FLNB: variants seen among roughly 807,000 people sequenced by gnomAD.
FLNB encodes the protein filamin-B.
A neutral mutation model predicts 250.6 loss-of-function variants in FLNB; 111 were observed. The observed-to-expected ratio is 0.44, with a 90% CI of 0.38 to 0.52. FLNB has a LOEUF of 0.52. Ranked by LOEUF, FLNB falls within the 20% of genes least tolerant of loss-of-function variation. FLNB has a pLI of 0.00. For synonymous variants in FLNB, 1,302 were observed against 1,372.1 expected (o/e 0.95, Z 1.13); for missense variants, 2,869 against 3,447.8 (o/e 0.83, Z 4.20).
At position 58,043,190 on chromosome 3, in the gene FLNB, G is replaced by C. The variant is rs138559064; in HGVS notation, c.293-33856G>C. On this transcript the variant is annotated intron_variant, in intron 1 of 45. Transcript: ENST00000295956. ...GAGACAGAGTTTCACTCTGTTGCCC[G>C]GGGGAATGATCTCTGCTCACTGCAA... Among the ~76,000 whole-genome samples, 790 of 138,696 alleles carry C rather than the reference G, an allele frequency of 5.7e-3. 3 individuals carry two copies. The highest frequency in any genetic ancestry group is 8.0e-3 in the Non-Finnish European group (526 of 65,756). 91.0% of individuals were successfully genotyped at this position (138,696 alleles called of 152,430 possible). A position where few individuals can be genotyped will look rare whatever the true frequency, so the allele number is the denominator to read the frequency against.
At chr3:58,157,884 T>C (rs925732987) in intron 41 of FLNB, among the ~76,000 whole-genome samples, 3 of 152,214 alleles carry the variant, frequency 2.0e-5, no homozygotes, top group African/African-American at 7.2e-5. Flanking sequence ...GCAGGCTGTT[T>C]CTTAAGCTTT....
chr3:58,172,227 TTAAA>T lies in FLNB; in HGVS notation c.*1470_*1473del, dbSNP rs1336545800. On this transcript the variant is annotated 3_prime_UTR_variant, in exon 46 of 46. Coordinates refer to ENST00000295956, the MANE Select transcript of FLNB (RefSeq NM_001457.4). ...ACTGTAAATTGTATCTTATAACTTA[TTAAA>T]TAAAACATTTGCTCCGTAAAGTTGC... The T allele has an allele frequency of 6.6e-6, 1 of 152,636 alleles. No individual in the cohort carries two copies. The highest frequency in any genetic ancestry group is 1.5e-5 in the Non-Finnish European group (1 of 68,048). 9.5% of individuals were successfully genotyped at this position (152,636 alleles called of 1,614,324 possible).
At position 58,112,206 on chromosome 3, in the gene FLNB, C is replaced by A; in HGVS notation, c.2633C>A (p.Ala878Asp). The part of the protein sequence containing the change: ...FTVYTKGAGK[A>D]PLNVQFNSPL... ...GTCTACACCAAGGGGGCTGGGAAAG[C>A]CCCGCTCAACGTGCAGTTCAACAGC... Residue 878 changes from alanine (A) to aspartate (D), a missense_variant, in exon 18 of 46, where the codon GCC (alanine) becomes GAC (aspartate). Physicochemically the swap from Ala to Asp is moderately radical, Grantham distance 126. Coordinates refer to ENST00000295956, the MANE Select transcript of FLNB (RefSeq NM_001457.4). 1 of 1,614,166 alleles carries A rather than the reference C, an allele frequency of 6.2e-7. No individual in the cohort carries two copies. Among genetic ancestry groups the A allele is most frequent in the Non-Finnish European group, 8.5e-7 (1 of 1,179,994 alleles).
chr3:58,148,017 C>T (rs2097338409), intron 34 of FLNB, among the ~76,000 whole-genome samples, 189 bp from the exon 35 acceptor site: 1 of 152,226 alleles, frequency 6.6e-6, no homozygotes, highest in African/African-American at 2.4e-5. Flanking sequence ...GTCTTTGCTG[C>T]AAGCAGGCAT....
At chr3:58,119,516 C>T (rs1232067348) in intron 19 of FLNB, among the ~76,000 whole-genome samples, 1 of 152,130 alleles carries the variant, frequency 6.6e-6, no homozygotes, top group Non-Finnish European at 1.5e-5. Context: ...AGGGATTTTA[C>T]TAGTATAAGC....
intron 1 of FLNB, among the ~76,000 whole-genome samples, chr3:58,030,460 A>T (rs1303378001): frequency 6.6e-6 from 1 of 152,128 alleles, no homozygotes; most frequent in Non-Finnish European, 1.5e-5. Flanking sequence ...ACCATAGTAG[A>T]GTTCCTGTGA....
chr3:58,159,535 TG>T lies in FLNB; in HGVS notation c.6889-18del. ...GGAACGCCGAGGGCCATAACCTGTC[TG>T]ATGTATTAAATTCTCAGGAATCGGG... On this transcript the variant is annotated intron_variant, in intron 41 of 45. Transcript: ENST00000295956. 1 of 1,614,004 alleles carries T rather than the reference TG, an allele frequency of 6.2e-7. No individual in the cohort carries two copies. Among genetic ancestry groups the T allele is most frequent in the Non-Finnish European group, 8.5e-7 (1 of 1,179,918 alleles).
In FLNB at chr3:58,080,086, G is replaced by A. The variant is rs551625755; in HGVS notation, c.639+1272G>A. Among the ~76,000 whole-genome samples the A allele has an allele frequency of 1.1e-4, 16 of 152,304 alleles. No homozygotes were observed. The South Asian group carries it at 3.3e-3, about 32-fold the overall frequency. ...ACGTGATGTTGGCATGGGTGAAGTT[G>A]TTGAAGGAGCTGCTGGGAAGAAATG... is the stretch of plus-strand genomic sequence containing the variant. On this transcript the variant is annotated intron_variant, in intron 3 of 45. Transcript: ENST00000295956.
At chr3:58,092,179 G>A (rs561647450) in intron 4 of FLNB, among the ~76,000 whole-genome samples, 15 of 152,230 alleles carry the variant, frequency 9.9e-5, no homozygotes, top group East Asian at 3.9e-4. Context: ...AGAAAAATGC[G>A]AATTAATCCT....
chr3:58,109,955 T>G, intron 15 of FLNB, 55 bp from the exon 16 acceptor site: 1 of 1,602,722 alleles, frequency 6.2e-7, no homozygotes, highest in Admixed American at 1.7e-5. Context: ...TGGAAGAGAT[T>G]GCACAGGACA....
intron 7 of FLNB, 21 bp from the exon 8 acceptor site, chr3:58,098,690 G>A (rs777436247): frequency 1.2e-6 from 2 of 1,613,554 alleles, no homozygotes; most frequent in South Asian, 2.2e-5. Context: ...TTGGGCTCAT[G>A]GAATGCTTGC....
At chr3:58,062,501 T>G (rs1458573304) in intron 1 of FLNB, among the ~76,000 whole-genome samples, 1 of 152,132 alleles carries the variant, frequency 6.6e-6, no homozygotes, top group Non-Finnish European at 1.5e-5. Flanking sequence ...AAAGATCACT[T>G]TAATATCAAA....
intron 41 of FLNB, among the ~76,000 whole-genome samples, chr3:58,159,104 A>G (rs1443474694): frequency 6.6e-6 from 1 of 152,064 alleles, no homozygotes; most frequent in Admixed American, 6.6e-5. Context: ...CCTTTATAAT[A>G]TGTTCCTCCA....
intron 45 of FLNB, among the ~76,000 whole-genome samples, chr3:58,170,203 C>T (rs1278617771): frequency 6.6e-6 from 1 of 152,160 alleles, no homozygotes; most frequent in Non-Finnish European, 1.5e-5. Flanking sequence ...TGAGAGTAAA[C>T]AAGAAGATTC....
At chr3:58,057,369 C>A (rs896966263) in intron 1 of FLNB, among the ~76,000 whole-genome samples, 2 of 152,198 alleles carry the variant, frequency 1.3e-5, no homozygotes, top group African/African-American at 2.4e-5. Context: ...CATTTCCTTT[C>A]AATTTTCTAA....
intron 7 of FLNB, 55 bp from the exon 8 acceptor site, chr3:58,098,656 C>T (rs2097243433): frequency 6.4e-7 from 1 of 1,563,804 alleles, no homozygotes; most frequent in Non-Finnish European, 8.8e-7. Context: ...CACTCAGCAG[C>T]AGTGAGCTTT....
chr3:58,050,000 A>T (rs1316582613), intron 1 of FLNB, among the ~76,000 whole-genome samples: 4 of 147,656 alleles, frequency 2.7e-5, no homozygotes, highest in Admixed American at 2.7e-4. Context: ...TACCTTGTTC[A>T]TTGGAAGAAA....
intron 16 of FLNB, among the ~76,000 whole-genome samples, chr3:58,110,683 T>G (rs566942849): frequency 1.3e-5 from 2 of 152,294 alleles, no homozygotes; most frequent in South Asian, 4.2e-4. Context: ...TGACCTCAGA[T>G]GATACGCCTG....
intron 39 of FLNB, among the ~76,000 whole-genome samples, chr3:58,154,249 A>G (rs2097349827): frequency 6.6e-6 from 1 of 151,968 alleles, no homozygotes; most frequent in East Asian, 1.9e-4. Context: ...TGGCCGGTTA[A>G]GATGTATTCA....
Sources: gnomAD v4.1 joint callset for allele counts (sites outside exome capture counted in the v4.1 genomes callset) on GRCh38, gnomAD v4.1.1 for gene constraint, MANE v1.5 for transcripts, NCBI Gene and HGNC (gene_info 2026-07-23, HGNC 2026-07-21) for gene names.